The following SRPK2 variants were observed in gnomAD, a reference collection of about 807,000 sequenced individuals.
The protein encoded by SRPK2 is SFRS protein kinase 2.
A neutral mutation model predicts 90.8 loss-of-function variants in SRPK2; 21 were observed. That is an observed-to-expected ratio of 0.23 (90% confidence interval 0.16 to 0.33). The LOEUF is 0.33. Ranked by LOEUF, SRPK2 falls within the 10% of genes least tolerant of loss-of-function variation. The probability of loss-of-function intolerance (pLI) is 1.00; values close to 1 mark genes in which losing one functional copy is unlikely to be tolerated. For missense variants in SRPK2, 620 were observed against 869.0 expected, an observed-to-expected ratio of 0.71 and a Z score of 3.60; for synonymous variants, 288 against 311.1, an observed-to-expected ratio of 0.93 and a Z score of 0.78.
chr7:105,330,476 A>T (rs554834414), intron 2 of SRPK2, among the ~76,000 whole-genome samples: 7 of 152,172 alleles, frequency 4.6e-5, no homozygotes, highest in Non-Finnish European at 8.8e-5. Flanking sequence ...TTGGGAAAAA[A>T]GGAGAGCAGG....
intron 2 of SRPK2, among the ~76,000 whole-genome samples, chr7:105,285,396 A>G (rs955706019): frequency 1.3e-5 from 2 of 151,258 alleles, no homozygotes; most frequent in African/African-American, 4.9e-5. Flanking sequence ...AAAAAAAAAA[A>G]AAAAAAAAAA....
chr7:105,197,787 G>T (rs183532115), intron 3 of SRPK2, among the ~76,000 whole-genome samples: 1 of 152,322 alleles, frequency 6.6e-6, no homozygotes, highest in East Asian at 1.9e-4. Flanking sequence ...CTAAGGAAAT[G>T]ACATGTTTTC....
At chr7:105,181,727 G>T (rs1045527748) in intron 3 of SRPK2, among the ~76,000 whole-genome samples, 7 of 152,014 alleles carry the variant, frequency 4.6e-5, no homozygotes, top group African/African-American at 1.7e-4. Flanking sequence ...GAGGATGGAG[G>T]GTGGAAGAAC....
chr7:105,166,556 A>C (rs189842974), intron 6 of SRPK2, among the ~76,000 whole-genome samples: 1 of 152,342 alleles, frequency 6.6e-6, no homozygotes, highest in East Asian at 1.9e-4. Flanking sequence ...ACAATTATTA[A>C]ACTTGAGTGA....
chr7:105,162,137 G>T (rs1807758406), intron 6 of SRPK2, among the ~76,000 whole-genome samples: 1 of 152,168 alleles, frequency 6.6e-6, no homozygotes, highest in African/African-American at 2.4e-5. Context: ...CACCTCCTGG[G>T]TTCAAGCGAT....
At chr7:105,123,164 T>TCCAGCAAATTAAC (rs1183460153) in intron 15 of SRPK2, among the ~76,000 whole-genome samples, 1 of 152,206 alleles carries the variant, frequency 6.6e-6, no homozygotes. Context: ...GTGGCTCATG[T>TCCAGCAAATTAAC]CCAGCAAATT....
chr7:105,389,417 C>CA (rs1392106262), upstream of SRPK2: 1 of 1,216,678 alleles, frequency 8.2e-7, no homozygotes, highest in Non-Finnish European at 1.1e-6. Context: ...GGCACACGAC[C>CA]AAAAGCTGGG....
chr7:105,170,963 GAAAGAGAAAGAAAGAGAAAGAA>G (rs1242896646), intron 3 of SRPK2, among the ~76,000 whole-genome samples: 1 of 29,780 alleles, frequency 3.4e-5, no homozygotes, highest in South Asian at 1.2e-3. Flanking sequence ...AAGAAAGAAA[GAAAGAGAAAGAAAGAGAAAGAA>G]AGAAAGAAAG....
chr7:105,307,905 C>T (rs1811313718), intron 2 of SRPK2, among the ~76,000 whole-genome samples: 1 of 152,142 alleles, frequency 6.6e-6, no homozygotes, highest in Non-Finnish European at 1.5e-5. Flanking sequence ...AAAGATAGCT[C>T]CTGAAATTCA....
At chr7:105,348,425 CT>C (rs1198801071) in intron 2 of SRPK2, among the ~76,000 whole-genome samples, 175 of 117,560 alleles carry the variant, frequency 1.5e-3, no homozygotes, top group Middle Eastern at 5.7e-3. Flanking sequence ...TTTTTTCTTT[CT>C]TTTTTTTTTT....
chr7:105,229,615 G>A (rs1253372239), intron 2 of SRPK2, among the ~76,000 whole-genome samples: 1 of 152,188 alleles, frequency 6.6e-6, no homozygotes, highest in Non-Finnish European at 1.5e-5. Flanking sequence ...AGATGAAGGG[G>A]GAGCGCAGGA....
chr7:105,336,067 C>T (rs982523685), intron 2 of SRPK2, among the ~76,000 whole-genome samples: 1 of 151,758 alleles, frequency 6.6e-6, no homozygotes. Context: ...TGAAAAAAAT[C>T]AAATGTTATC....
At chr7:105,364,692 G>A (rs567405456) in intron 2 of SRPK2, among the ~76,000 whole-genome samples, 244 of 152,156 alleles carry the variant, frequency 1.6e-3, no homozygotes, top group Middle Eastern at 6.8e-3. Flanking sequence ...GAGAGCCACC[G>A]CGCCTGGCCG....
At chr7:105,384,801 C>A (rs925059358) in intron 2 of SRPK2, among the ~76,000 whole-genome samples, 7 of 152,100 alleles carry the variant, frequency 4.6e-5, no homozygotes, top group Non-Finnish European at 2.9e-5. Flanking sequence ...CAACGTCACC[C>A]GGTTTCCCAT....
chr7:105,204,877 T>A, intron 2 of SRPK2: 1 of 423,618 alleles, frequency 2.4e-6, no homozygotes, highest in Non-Finnish European at 4.5e-6. Context: ...TGAGAGCAGG[T>A]GGAATCTTGG....
intron 3 of SRPK2, among the ~76,000 whole-genome samples, chr7:105,195,390 A>C (rs1363336576): frequency 2.0e-5 from 3 of 152,218 alleles, no homozygotes; most frequent in Non-Finnish European, 4.4e-5. Context: ...TTATAACACC[A>C]GGATTCTGTT....
chr7:105,377,663 G>A (rs1019910104), intron 2 of SRPK2, among the ~76,000 whole-genome samples: 2 of 151,992 alleles, frequency 1.3e-5, no homozygotes, highest in East Asian at 1.9e-4. Context: ...TCGCGCCACC[G>A]CACTCCAGCC....
In SRPK2 at chr7:105,169,222, C is replaced by T. The variant is rs1050863002; in HGVS notation, c.273G>A (p.Arg91=). 1 of 1,613,882 alleles carries T rather than the reference C, an allele frequency of 6.2e-7. No homozygotes were observed. The highest frequency in any genetic ancestry group is 8.5e-7 in the Non-Finnish European group (1 of 1,179,926). The change falls in exon 4 of 16, where the codon CGG becomes CGA. Residue 91 remains arginine (R), a synonymous_variant. Coordinates refer to ENST00000393651, the MANE Select transcript of SRPK2 (RefSeq NM_182692.3). ...PVKIGDLFNG[R]YHVIRKLGWG... is the part of the protein sequence containing the mutation. ...ATCCAAGCTTTCTAATAACATGATA[C>T]CGGCCATTGAAGAGGTCTCCAATTT...
chr7:105,398,381 CTT>C (rs1183621196), intron 1 of SRPK2, among the ~76,000 whole-genome samples: 20 of 135,048 alleles, frequency 1.5e-4, no homozygotes, highest in Non-Finnish European at 1.4e-4. Flanking sequence ...ACCCAGCCTC[CTT>C]TTTTTTTTTT....
Sources: gnomAD v4.1 joint callset for allele counts (sites outside exome capture counted in the v4.1 genomes callset) on GRCh38, gnomAD v4.1.1 for gene constraint, MANE v1.5 for transcripts, NCBI Gene and HGNC (gene_info 2026-07-23, HGNC 2026-07-21) for gene names.